Variants in TMC1 observed in about 807,000 individuals in gnomAD.
The protein encoded by TMC1 is transmembrane channel like 1.
Under a neutral mutation model 105.8 loss-of-function variants are expected in TMC1, and 84 were observed. The observed-to-expected ratio is 0.79, with a 90% CI of 0.67 to 0.95. The LOEUF is 0.95. Among genes scored for constraint, TMC1 ranks in the 40% least tolerant of loss-of-function variants. The pLI is 0.00. For missense variants in TMC1, 817 were observed against 914.1 expected (o/e 0.89, Z 1.37); for synonymous variants, 315 against 311.5 (o/e 1.01, Z -0.12).
At chr9:72,782,650 A>G (rs932627930) in intron 13 of TMC1, among the ~76,000 whole-genome samples, 1 of 152,110 alleles carries the variant, frequency 6.6e-6, no homozygotes, top group Non-Finnish European at 1.5e-5. Context: ...CTATACAGCA[A>G]TATTGTCCAA....
At chr9:72,794,573 C>T (rs539244227) in intron 17 of TMC1, among the ~76,000 whole-genome samples, 4 of 152,146 alleles carry the variant, frequency 2.6e-5, no homozygotes, top group Non-Finnish European at 5.9e-5. Context: ...CAAATAAAGA[C>T]CCTGTGCAAA....
intron 8 of TMC1, among the ~76,000 whole-genome samples, chr9:72,728,383 T>G (rs1004458645): frequency 6.6e-6 from 1 of 152,194 alleles, no homozygotes; most frequent in Non-Finnish European, 1.5e-5. Context: ...TCTTCAGTGA[T>G]TAACTTCTGT....
intron 8 of TMC1, among the ~76,000 whole-genome samples, chr9:72,730,098 G>T (rs1221597703): frequency 6.6e-6 from 1 of 152,086 alleles, no homozygotes; most frequent in Non-Finnish European, 1.5e-5. Context: ...TACAATTTTT[G>T]TCAGCAACAA....
At chr9:72,617,322 C>T (rs954400066) in intron 3 of TMC1, among the ~76,000 whole-genome samples, 2 of 151,952 alleles carry the variant, frequency 1.3e-5, no homozygotes, top group African/African-American at 2.4e-5. Flanking sequence ...CCACCATGTC[C>T]GGCTAATTTT....
intron 7 of TMC1, among the ~76,000 whole-genome samples, chr9:72,697,516 T>C (rs1483190062): frequency 6.6e-6 from 1 of 152,184 alleles, no homozygotes; most frequent in African/African-American, 2.4e-5. Flanking sequence ...AGACATTTCA[T>C]ATGATTTTTA....
chr9:72,713,256 C>G (rs753565651), intron 8 of TMC1, among the ~76,000 whole-genome samples: 2 of 152,056 alleles, frequency 1.3e-5, no homozygotes, highest in Non-Finnish European at 2.9e-5. Context: ...GTGTCTCTGC[C>G]AGGTTTTGCT....
At chr9:72,779,912 A>G (rs1242088097) in intron 13 of TMC1, among the ~76,000 whole-genome samples, 1 of 152,150 alleles carries the variant, frequency 6.6e-6, no homozygotes, top group Non-Finnish European at 1.5e-5. Flanking sequence ...AAATTCAGAG[A>G]ACCCCTGCAA....
At chr9:72,602,829 G>A (rs1011827881) in intron 2 of TMC1, among the ~76,000 whole-genome samples, 1 of 152,164 alleles carries the variant, frequency 6.6e-6, no homozygotes, top group African/African-American at 2.4e-5. Flanking sequence ...AGATAGAAAT[G>A]TACTTCATCC....
chr9:72,814,692 T>C (rs1157200713), intron 18 of TMC1, among the ~76,000 whole-genome samples: 1 of 152,226 alleles, frequency 6.6e-6, no homozygotes, highest in Non-Finnish European at 1.5e-5. Flanking sequence ...ATTGTCCCTA[T>C]GTTTCAGTTG....
At chr9:72,638,765 A>G (rs1825575953) in intron 4 of TMC1, among the ~76,000 whole-genome samples, 1 of 152,172 alleles carries the variant, frequency 6.6e-6, no homozygotes, top group African/African-American at 2.4e-5. Flanking sequence ...AAGGTCACAG[A>G]GCTACTATGT....
chr9:72,751,728 A>C lies in TMC1; in HGVS notation c.536-122A>C. ...GAGAAAAGAATGCTATAGCCTATAAATATAAAAAGGACCAATGCCTCACAA... is the reference window on the plus strand; with the variant it reads ...GAGAAAAGAATGCTATAGCCTATAACTATAAAAAGGACCAATGCCTCACAA... On this transcript the variant is annotated intron_variant, in intron 10 of 23. Coordinates refer to ENST00000297784, the MANE Select transcript of TMC1 (RefSeq NM_138691.3). The C allele has an allele frequency of 1.3e-5, 9 of 719,758 alleles. No homozygotes were observed. In the South Asian group the frequency reaches 1.4e-4, roughly 11 times the overall value. 44.6% of individuals were successfully genotyped at this position (719,758 alleles called of 1,614,324 possible).
intron 8 of TMC1, among the ~76,000 whole-genome samples, chr9:72,726,717 T>C (rs1000028404): frequency 6.6e-6 from 1 of 152,208 alleles, no homozygotes; most frequent in African/African-American, 2.4e-5. Flanking sequence ...GAATACCCTA[T>C]TCCAAGAGAA....
chr9:72,545,589 G>A (rs1823753417), intron 1 of TMC1, among the ~76,000 whole-genome samples: 1 of 152,134 alleles, frequency 6.6e-6, no homozygotes, highest in South Asian at 2.1e-4. Flanking sequence ...CTGGGTTCAA[G>A]TGATTCTCAT....
intron 18 of TMC1, among the ~76,000 whole-genome samples, chr9:72,811,027 T>C (rs900275929): frequency 2.0e-5 from 3 of 152,188 alleles, no homozygotes; most frequent in African/African-American, 7.2e-5. Flanking sequence ...CAGAGATCTA[T>C]AGAATGCTAA....
intron 13 of TMC1, among the ~76,000 whole-genome samples, chr9:72,787,597 A>G (rs1210089173): frequency 1.3e-5 from 2 of 152,052 alleles, no homozygotes. Flanking sequence ...CTAACCACTA[A>G]AATAAACCTG....
Position 72,700,506 on chromosome 9 carries a change from T to C in TMC1, c.237-12T>C. On this transcript the variant is annotated splice_polypyrimidine_tract_variant and intron_variant, in intron 7 of 23. Transcript: ENST00000297784. Reference sequence around the variant, plus strand: ...TTAACTTTATTAAGGTGTTTCTTTTTTACTTTTAAAGAGAAGAAGAAGAAA... The same window carrying C: ...TTAACTTTATTAAGGTGTTTCTTTTCTACTTTTAAAGAGAAGAAGAAGAAA... The C allele has an allele frequency of 6.3e-7, 1 of 1,580,586 alleles. No homozygotes were observed. Among genetic ancestry groups the C allele is most frequent in the South Asian group, 1.1e-5 (1 of 88,942 alleles).
chr9:72,758,943 A>G (rs982461970), intron 12 of TMC1, among the ~76,000 whole-genome samples: 2 of 152,134 alleles, frequency 1.3e-5, no homozygotes, highest in African/African-American at 4.8e-5. Flanking sequence ...TACTTGTTTC[A>G]GTATGCATCA....
intron 20 of TMC1, 25 bp from the exon 21 acceptor site, chr9:72,826,844 A>C: frequency 6.2e-7 from 1 of 1,613,146 alleles, no homozygotes; most frequent in Non-Finnish European, 8.5e-7. Flanking sequence ...TAATAAACTT[A>C]TCTCCCCCTT....
At chr9:72,733,923 C>T (rs1290805363) in intron 8 of TMC1, among the ~76,000 whole-genome samples, 3 of 152,100 alleles carry the variant, frequency 2.0e-5, no homozygotes, top group Non-Finnish European at 4.4e-5. Context: ...TTCTCTTTGG[C>T]ATATCCAAAT....
Sources: gnomAD v4.1 joint callset for allele counts (sites outside exome capture counted in the v4.1 genomes callset) on GRCh38, gnomAD v4.1.1 for gene constraint, MANE v1.5 for transcripts, NCBI Gene and HGNC (gene_info 2026-07-23, HGNC 2026-07-21) for gene names.